The following CFAP36 variants were observed in gnomAD, a reference collection of about 807,000 sequenced individuals.
CFAP36 encodes cilia- and flagella-associated protein 36.
A neutral mutation model predicts 50.5 loss-of-function variants in CFAP36; 37 were observed. That is an observed-to-expected ratio of 0.73 (90% CI 0.56 to 0.96). The LOEUF (loss-of-function observed/expected upper bound fraction) is 0.96, where lower values mean the gene tolerates loss of function less well. Ranked by LOEUF, CFAP36 falls within the 50% of genes least tolerant of loss-of-function variation. CFAP36 has a pLI of 0.00. For synonymous variants in CFAP36, 138 were observed against 128.2 expected (o/e 1.08, Z -0.52); for missense variants, 407 against 396.2 (o/e 1.03, Z -0.23).
intron 7 of CFAP36, chr2:55,539,539 T>C (rs1049614760): frequency 6.6e-6 from 1 of 152,268 alleles, no homozygotes; most frequent in African/African-American, 2.4e-5. Context: ...AAAATCTTGG[T>C]TGCTTCCAAG....
At chr2:55,531,768 C>G (rs1684357413) in intron 4 of CFAP36, among the ~76,000 whole-genome samples, 1 of 152,178 alleles carries the variant, frequency 6.6e-6, no homozygotes, top group Non-Finnish European at 1.5e-5. Context: ...ACTTGCCTTT[C>G]TTAAACCATC....
Position 55,544,022 on chromosome 2 carries a change from A to C in CFAP36, c.725A>C (p.Lys242Thr). 6.2e-7 allele frequency: 1 copy of C among 1,614,002 alleles called. No individual in the cohort carries two copies. The highest frequency in any genetic ancestry group is 8.5e-7 in the Non-Finnish European group (1 of 1,179,900). The change falls in exon 8 of 10, where the codon AAA (lysine) becomes ACA (threonine). Residue 242 changes from lysine to threonine, a missense_variant. Lys to Thr is a moderately conservative substitution (Grantham distance 78). Transcript: ENST00000349456. ...TCTGAAACTTCCTCCCTCCCACAAA[A>C]AGACCTGAAGATTCCTGGCTTAGAG... ...ERSETSSLPQ[K>T]DLKIPGLEHA... is the part of the protein sequence containing the mutation.
intron 4 of CFAP36, among the ~76,000 whole-genome samples, chr2:55,533,469 C>T (rs1867334): frequency 0.11 from 16,273 of 151,704 alleles, 1,081 homozygotes; most frequent in East Asian, 0.23. Context: ...TTTGGTAGGC[C>T]GAGGGGGGCA....
chr2:55,542,415 T>G (rs1297872925), intron 7 of CFAP36, among the ~76,000 whole-genome samples: 2 of 152,222 alleles, frequency 1.3e-5, no homozygotes, highest in Non-Finnish European at 2.9e-5. Flanking sequence ...TTTGGAAGAA[T>G]CATGAAGTTG....
At chr2:55,538,923 T>G in intron 7 of CFAP36, 2 of 1,437,052 alleles carry the variant, frequency 1.4e-6, no homozygotes, top group South Asian at 1.5e-5. Context: ...CCATTAATTT[T>G]TTAATGTAAG....
At chr2:55,520,713 ATTGTGG>A (rs1026380420) in intron 1 of CFAP36, among the ~76,000 whole-genome samples, 3 of 152,166 alleles carry the variant, frequency 2.0e-5, no homozygotes, top group African/African-American at 7.2e-5. Context: ...CCCAAGCGTT[ATTGTGG>A]TTGTTTAATC....
chr2:55,524,422 A>ATTTTTTTTTTTTTTTTTTTTTTTTTTTTT (rs57908457), intron 3 of CFAP36, among the ~76,000 whole-genome samples: 2 of 99,372 alleles, frequency 2.0e-5, no homozygotes, highest in African/African-American at 4.6e-5. Flanking sequence ...CACATGGCTA[A>ATTTTTTTTTTTTTTTTTTTTTTTTTTTTT]TTTTTTTTTT....
At chr2:55,531,250 AC>A (rs1684344490) in intron 4 of CFAP36, 1 of 152,226 alleles carries the variant, frequency 6.6e-6, no homozygotes, top group Admixed American at 6.5e-5. Flanking sequence ...ATTCTGACTT[AC>A]GGGTTAGACA....
chr2:55,542,631 G>GT (rs1684664402), intron 7 of CFAP36, among the ~76,000 whole-genome samples: 1 of 152,148 alleles, frequency 6.6e-6, no homozygotes, highest in Non-Finnish European at 1.5e-5. Flanking sequence ...GAGAATATAC[G>GT]TATGTTCATA....
Position 55,537,604 on chromosome 2 carries a change from G to A in CFAP36, c.640+19G>A. 6.6e-7 allele frequency: 1 copy of A among 1,504,414 alleles called. No individual in the cohort carries two copies. The allele number at this position is 1,504,414 out of a possible 1,614,324, so 93.2% of individuals were successfully genotyped here. On this transcript the variant is annotated intron_variant, in intron 7 of 9. Transcript: ENST00000349456. The stretch of plus-strand genomic sequence containing the variant: ...CCCTCAGGTAAGGTTGAGGTGTACT[G>A]AACTTTCTCTAATAATATGAATACA...
intron 1 of CFAP36, among the ~76,000 whole-genome samples, chr2:55,520,234 T>C (rs1684024594): frequency 6.6e-6 from 1 of 152,206 alleles, no homozygotes; most frequent in African/African-American, 2.4e-5. Flanking sequence ...TCTCACCCTG[T>C]CCCGAACGTT....
Position 55,535,733 on chromosome 2 carries a change from C to T in CFAP36, c.507C>T (p.Asp169=). The T allele has an allele frequency of 6.5e-7, 1 of 1,540,664 alleles. No individual in the cohort carries two copies. The change falls in exon 6 of 10, where the codon GAC becomes GAT. Residue 169 remains aspartate (D), a synonymous_variant. Transcript: ENST00000349456. ...EVLRKSKEEY[D]QEEERKRKKQ... is the part of the protein sequence containing the mutation. ...TCAGAAAATCAAAAGAGGAATATGACCAGGAAGAAGAAAGGAAGAGGAAAA... is the reference window on the plus strand; with the variant it reads ...TCAGAAAATCAAAAGAGGAATATGATCAGGAAGAAGAAAGGAAGAGGAAAA...
chr2:55,521,597 G>A (rs1179051559), intron 1 of CFAP36, among the ~76,000 whole-genome samples: 4 of 110,622 alleles, frequency 3.6e-5, no homozygotes, highest in South Asian at 3.6e-4. Flanking sequence ...TAGTATATAT[G>A]TGTGTGTGTG....
chr2:55,535,958 A>G, intron 6 of CFAP36, 195 bp downstream of exon 6: 2 of 1,141,906 alleles, frequency 1.8e-6, no homozygotes. Flanking sequence ...CATATTATAT[A>G]GTACTATATA....
chr2:55,523,724 GA>G lies in CFAP36; in HGVS notation c.188del (p.Lys63SerfsTer3). Reference protein sequence around the residue: ...EIHQEYKELVEKLLEGYLKEI... With the variant: ...EIHQEYKELVXKLLEGYLKEI... ...AAGTTAAACTTTGTTTTTTTAGGTT[GA>G]AAAGCTGTTAGAAGGTTACCTCAAA... On this transcript the variant is annotated frameshift_variant, in exon 3 of 10. Transcript: ENST00000349456. LOFTEE classifies it high-confidence loss of function. The G allele has an allele frequency of 6.3e-7, 1 of 1,586,040 alleles. No individual in the cohort carries two copies. Among genetic ancestry groups the G allele is most frequent in the African/African-American group, 1.3e-5 (1 of 74,158 alleles).
chr2:55,530,465 C>T (rs1467470618), intron 4 of CFAP36, among the ~76,000 whole-genome samples: 1 of 152,194 alleles, frequency 6.6e-6, no homozygotes, highest in Non-Finnish European at 1.5e-5. Context: ...TTCTAGGGCA[C>T]TGGGCAGAGA....
Position 55,533,977 on chromosome 2 carries a change from GT to G in CFAP36, c.485+23del. 5 of 1,464,492 alleles carry G rather than the reference GT, an allele frequency of 3.4e-6. No individual in the cohort carries two copies. Among genetic ancestry groups the G allele is most frequent in the Non-Finnish European group, 4.8e-6 (5 of 1,051,408 alleles). 90.7% of individuals were successfully genotyped at this position (1,464,492 alleles called of 1,614,324 possible). On this transcript the variant is annotated intron_variant, in intron 5 of 9. Transcript: ENST00000349456. ...AGTTCTTAGGTACCATTCTTTAATTGTTTTTTAAATGAATCATTATTAATAT... is the reference window on the plus strand; with the variant it reads ...AGTTCTTAGGTACCATTCTTTAATTGTTTTTAAATGAATCATTATTAATAT...
intron 6 of CFAP36, 41 bp downstream of exon 6, chr2:55,535,804 ATC>A (rs780033268): frequency 2.0e-5 from 30 of 1,534,288 alleles, no homozygotes; most frequent in Non-Finnish European, 4.4e-6. Context: ...TATTGCTGTT[ATC>A]TCTTATTAAG....
chr2:55,533,805 A>T, intron 4 of CFAP36, 68 bp from the exon 5 acceptor site: 1 of 912,648 alleles, frequency 1.1e-6, no homozygotes, highest in South Asian at 1.8e-5. Flanking sequence ...TTAAGGAACG[A>T]GAACAGTGAG....
Sources: gnomAD v4.1 joint callset for allele counts (sites outside exome capture counted in the v4.1 genomes callset) on GRCh38, gnomAD v4.1.1 for gene constraint, MANE v1.5 for transcripts, NCBI Gene and HGNC (gene_info 2026-07-23, HGNC 2026-07-21) for gene names.